The following NKAIN2 variants were observed in gnomAD, a reference collection of about 807,000 sequenced individuals.
NKAIN2 encodes the protein sodium/potassium-transporting ATPase subunit beta-1-interacting protein 2.
A neutral mutation model predicts 32.6 loss-of-function variants in NKAIN2; 14 were observed. The ratio of observed to expected loss-of-function variants is 0.43; its 90% CI spans 0.28 to 0.67. NKAIN2 has a LOEUF of 0.67. NKAIN2 is among the 30% of genes least tolerant of loss of function. The pLI is 0.17. For missense variants in NKAIN2, 198 were observed against 258.3 expected, an observed-to-expected ratio of 0.77 and a Z score of 1.60; for synonymous variants, 80 against 87.2, an observed-to-expected ratio of 0.92 and a Z score of 0.46.
intron 4 of NKAIN2, among the ~76,000 whole-genome samples, chr6:124,730,872 C>G (rs921675799): frequency 7.1e-6 from 1 of 141,286 alleles, no homozygotes; most frequent in Admixed American, 7.2e-5. Flanking sequence ...AAGAAAAAAA[C>G]AAACAACCCC....
intron 2 of NKAIN2, among the ~76,000 whole-genome samples, chr6:124,284,573 T>C (rs1205680525): frequency 7.2e-5 from 11 of 152,090 alleles, no homozygotes; most frequent in Non-Finnish European, 1.6e-4. Context: ...TTGCTCTGAA[T>C]ATCATTATGT....
In NKAIN2 at chr6:124,348,217, C is replaced by T. The variant is rs1431480628; in HGVS notation, c.193-7050C>T. ...GGAAGTTTTGTCTCAGAGTTGTACC[C>T]GGCTGTGTGAGGTGTCAGTCTGCCC... On this transcript the variant is annotated intron_variant, in intron 2 of 6. Coordinates refer to ENST00000368417, the MANE Select transcript of NKAIN2 (RefSeq NM_001040214.3). Among the ~76,000 whole-genome samples, 6 of 152,138 alleles carry T rather than the reference C, an allele frequency of 3.9e-5. No homozygotes were observed. In the South Asian group the frequency reaches 8.3e-4, roughly 21 times the overall value.
chr6:124,626,853 A>T (rs1783370969), intron 3 of NKAIN2, among the ~76,000 whole-genome samples: 2 of 152,204 alleles, frequency 1.3e-5, no homozygotes, highest in Admixed American at 1.3e-4. Context: ...AAGTTGAGTC[A>T]GGCCAGAGCC....
intron 1 of NKAIN2, among the ~76,000 whole-genome samples, chr6:124,185,270 T>C (rs1377781672): frequency 6.6e-6 from 1 of 152,146 alleles, no homozygotes; most frequent in East Asian, 1.9e-4. Context: ...TATAACTGTA[T>C]TAAAAACAAA....
intron 1 of NKAIN2, among the ~76,000 whole-genome samples, chr6:124,139,601 C>T (rs1787035581): frequency 6.6e-6 from 1 of 152,072 alleles, no homozygotes; most frequent in Non-Finnish European, 1.5e-5. Context: ...CATATTTAAT[C>T]TGGAAAATAA....
chr6:124,343,371 G>A lies in NKAIN2; in HGVS notation c.193-11896G>A, dbSNP rs1269060855. ...AGTAATGGGATGGCTGGGTCAAATGGTATTTCTAGTTCTAGATCCCAGAGG... is the reference window on the plus strand; with the variant it reads ...AGTAATGGGATGGCTGGGTCAAATGATATTTCTAGTTCTAGATCCCAGAGG... On this transcript the variant is annotated intron_variant, in intron 2 of 6. Coordinates refer to ENST00000368417, the MANE Select transcript of NKAIN2 (RefSeq NM_001040214.3). Among the ~76,000 whole-genome samples, 43 of 150,476 alleles carry A rather than the reference G, an allele frequency of 2.9e-4. 1 individual carries two copies. Among genetic ancestry groups the A allele is most frequent in the Admixed American group, 1.1e-3 (17 of 15,070 alleles).
chr6:123,948,953 G>A (rs1356861204), intron 1 of NKAIN2, among the ~76,000 whole-genome samples: 1 of 151,874 alleles, frequency 6.6e-6, no homozygotes, highest in African/African-American at 2.4e-5. Context: ...GCAAGAGAAA[G>A]GAGTCCAGTT....
At chr6:124,005,184 C>T (rs562972139) in intron 1 of NKAIN2, among the ~76,000 whole-genome samples, 3 of 152,190 alleles carry the variant, frequency 2.0e-5, no homozygotes, top group African/African-American at 7.2e-5. Flanking sequence ...GAGATCTCGC[C>T]ATTGTACTCC....
chr6:123,898,531 C>T (rs927194401), intron 1 of NKAIN2, among the ~76,000 whole-genome samples: 2 of 149,934 alleles, frequency 1.3e-5, no homozygotes, highest in East Asian at 3.9e-4. Context: ...GTCCAGATAT[C>T]GATTCCTGGC....
At chr6:123,992,808 A>G (rs1218671339) in intron 1 of NKAIN2, among the ~76,000 whole-genome samples, 1 of 152,214 alleles carries the variant, frequency 6.6e-6, no homozygotes. Context: ...AGTTACTTCC[A>G]GATACTTTCA....
intron 4 of NKAIN2, among the ~76,000 whole-genome samples, chr6:124,679,400 T>C (rs1773514465): frequency 6.6e-6 from 1 of 152,186 alleles, no homozygotes; most frequent in Non-Finnish European, 1.5e-5. Flanking sequence ...CCAAAAAGTA[T>C]GAATGTCGGA....
Position 123,835,724 on chromosome 6 carries a change from C to T in NKAIN2, c.54+31470C>T, listed in dbSNP as rs144224918. 2.6e-3 allele frequency among the ~76,000 whole-genome samples: 403 copies of T among 152,218 alleles called. 1 individual carries two copies. Among genetic ancestry groups the T allele is most frequent in the Middle Eastern group, 6.8e-3 (2 of 294 alleles). ...CTTCTCTTCAAAACAATTGTGTTGT[C>T]TTGGGCTGCTACTGCCTAGAATTCT... On this transcript the variant is annotated intron_variant, in intron 1 of 6. Transcript: ENST00000368417.
intron 1 of NKAIN2, among the ~76,000 whole-genome samples, chr6:123,850,355 A>AAATATAT (rs1262534272): frequency 6.7e-5 from 9 of 133,496 alleles, no homozygotes; most frequent in African/African-American, 2.6e-4. Context: ...AAAAAAAAAA[A>AAATATAT]ATATATATAT....
chr6:124,293,764 A>T (rs996328), intron 2 of NKAIN2, among the ~76,000 whole-genome samples: 45,006 of 151,822 alleles, frequency 0.3, 9,164 homozygotes, highest in African/African-American at 0.58. Context: ...TTTTCTGCAT[A>T]CCCTTTTTTG....
chr6:123,811,912 T>C (rs965753452), intron 1 of NKAIN2, among the ~76,000 whole-genome samples: 8 of 147,118 alleles, frequency 5.4e-5, no homozygotes, highest in African/African-American at 2.0e-4. Context: ...ATACGTACTT[T>C]AAGTATTCAT....
At chr6:123,855,008 G>T (rs769495431) in intron 1 of NKAIN2, among the ~76,000 whole-genome samples, 1 of 152,088 alleles carries the variant, frequency 6.6e-6, no homozygotes, top group African/African-American at 2.4e-5. Flanking sequence ...TACTCTGTCC[G>T]AATGTCATTA....
rs186903248 is a variant in NKAIN2 at position 124,231,021 on chromosome 6, C to T, written c.55-51984C>T. ...GACACTCAATGCCAGACAGTGAAAG[C>T]AGCTGAGAGGGAGGCTATACCCTGC... On this transcript the variant is annotated intron_variant, in intron 1 of 6. Transcript: ENST00000368417. Among the ~76,000 whole-genome samples the T allele has an allele frequency of 1.4e-4, 22 of 152,270 alleles. No homozygotes were observed. In the East Asian group the frequency reaches 3.5e-3, roughly 24 times the overall value.
At chr6:124,501,766 T>C (rs1778301022) in intron 3 of NKAIN2, among the ~76,000 whole-genome samples, 1 of 152,084 alleles carries the variant, frequency 6.6e-6, no homozygotes, top group Non-Finnish European at 1.5e-5. Flanking sequence ...TTTCCCACAG[T>C]CTGAACTCCT....
chr6:124,148,429 C>A (rs1194017783), intron 1 of NKAIN2, among the ~76,000 whole-genome samples: 1 of 152,082 alleles, frequency 6.6e-6, no homozygotes, highest in African/African-American at 2.4e-5. Flanking sequence ...CAACCCCTGG[C>A]AACTACTGAT....
Sources: allele counts gnomAD v4.1 joint callset (sites outside exome capture counted in the v4.1 genomes callset), GRCh38; gene constraint gnomAD v4.1.1; transcripts MANE v1.5; gene names NCBI Gene and HGNC (gene_info 2026-07-23, HGNC 2026-07-21).